UPK1B: variants seen among roughly 807,000 people sequenced by gnomAD.
UPK1B encodes uroplakin 1B, also known as uroplakin-1b.
A neutral mutation model predicts 34.2 loss-of-function variants in UPK1B; 28 were observed. The ratio of observed to expected loss-of-function variants is 0.82; its 90% CI spans 0.61 to 1.12. UPK1B has a LOEUF of 1.12. UPK1B is among the 50% of genes most tolerant of loss of function. The pLI is 0.00. For missense variants in UPK1B, 325 were observed against 320.9 expected (o/e 1.01, Z -0.10); for synonymous variants, 81 against 110.4 (o/e 0.73, Z 1.67).
At chr3:119,189,756 T>C (rs1420549122) in intron 3 of UPK1B, among the ~76,000 whole-genome samples, 1 of 152,256 alleles carries the variant, frequency 6.6e-6, no homozygotes, top group Non-Finnish European at 1.5e-5. Context: ...CATCTTTTTC[T>C]GAACTCCGTG....
At chr3:119,196,801 G>A (rs2078069831) in intron 6 of UPK1B, among the ~76,000 whole-genome samples, 1 of 151,754 alleles carries the variant, frequency 6.6e-6, no homozygotes, top group African/African-American at 2.4e-5. Flanking sequence ...GCCTCCCAAA[G>A]TGCTGGGATT....
Position 119,179,380 on chromosome 3 carries a change from T to G in UPK1B, c.-29+5742T>G, listed in dbSNP as rs1394344070. Among the ~76,000 whole-genome samples, 106 of 85,284 alleles carry G rather than the reference T, an allele frequency of 1.2e-3. 3 individuals carry two copies. The highest frequency in any genetic ancestry group is 8.6e-3 in the South Asian group (15 of 1,742). 55.9% of individuals were successfully genotyped at this position (85,284 alleles called of 152,430 possible). ...ATATATATATATATATATATATATA[T>G]ATATATATATATATATATTAATTCT... On this transcript the variant is annotated intron_variant, in intron 1 of 7. Coordinates refer to ENST00000264234, the MANE Select transcript of UPK1B (RefSeq NM_006952.4).
intron 7 of UPK1B, among the ~76,000 whole-genome samples, chr3:119,200,333 A>G (rs755505202): frequency 2.0e-5 from 3 of 152,220 alleles, no homozygotes; most frequent in Non-Finnish European, 2.9e-5. Flanking sequence ...GATTATGGCC[A>G]TGAGCACTGC....
intron 7 of UPK1B, among the ~76,000 whole-genome samples, chr3:119,201,908 G>T (rs572419582): frequency 6.6e-6 from 1 of 152,194 alleles, no homozygotes; most frequent in Non-Finnish European, 1.5e-5. Flanking sequence ...AAAGGTAACA[G>T]TGAAGTTTCT....
rs2078108482 is a variant in UPK1B at position 119,204,236 on chromosome 3, C to T, written c.*269C>T. The T allele has an allele frequency of 7.2e-6, 3 of 414,870 alleles. No homozygotes were observed. Among genetic ancestry groups the T allele is most frequent in the Admixed American group, 3.9e-5 (1 of 25,580 alleles). The allele number at this position is 414,870 out of a possible 1,614,324, so 25.7% of individuals were successfully genotyped here. A position where few individuals can be genotyped will look rare whatever the true frequency, so the allele number is the denominator to read the frequency against. ...TGCATAATAACTACTTCCATCCCTG[C>T]TTATTTTTAATTTGGGAAAATAAAT... On this transcript the variant is annotated 3_prime_UTR_variant, in exon 8 of 8. Coordinates refer to ENST00000264234, the MANE Select transcript of UPK1B (RefSeq NM_006952.4).
Position 119,194,099 on chromosome 3 carries a change from A to C in UPK1B, c.469-120A>C. ...TTCAGCTGTCATTTGGGGATTTCTT[A>C]GTAAATGTAAGATATGGTACACTTT... is the stretch of plus-strand genomic sequence containing the variant. On this transcript the variant is annotated intron_variant, in intron 5 of 7. Coordinates refer to ENST00000264234, the MANE Select transcript of UPK1B (RefSeq NM_006952.4). 3.1e-6 allele frequency: 3 copies of C among 958,598 alleles called. No individual in the cohort carries two copies. In the South Asian group the frequency reaches 5.9e-5, roughly 19 times the overall value. The allele number at this position is 958,598 out of a possible 1,614,324, so 59.4% of individuals were successfully genotyped here. A position where few individuals can be genotyped will look rare whatever the true frequency, so the allele number is the denominator to read the frequency against.
At chr3:119,199,239 A>T in intron 7 of UPK1B, 99 bp downstream of exon 7, 1 of 1,377,634 alleles carries the variant, frequency 7.3e-7, no homozygotes, top group Non-Finnish European at 1.0e-6. Context: ...AAAGTCTAGA[A>T]ACAAAACCTC....
At chr3:119,197,598 T>C (rs2078072455) in intron 6 of UPK1B, among the ~76,000 whole-genome samples, 1 of 152,244 alleles carries the variant, frequency 6.6e-6, no homozygotes, top group Non-Finnish European at 1.5e-5. Flanking sequence ...AATGTTCCAT[T>C]CATTCTGTAA....
At chr3:119,203,789 T>C (rs2078106051) in intron 7 of UPK1B, 128 bp from the exon 8 acceptor site, 1 of 976,568 alleles carries the variant, frequency 1.0e-6, no homozygotes, top group East Asian at 2.6e-5. Context: ...TTAGAAGAAA[T>C]AAAAACAAAC....
In UPK1B at chr3:119,204,056, C is replaced by A; in HGVS notation, c.*89C>A. 1.4e-6 allele frequency: 2 copies of A among 1,437,024 alleles called. No individual in the cohort carries two copies. Among genetic ancestry groups the A allele is most frequent in the Non-Finnish European group, 1.9e-6 (2 of 1,027,616 alleles). 89.0% of individuals were successfully genotyped at this position (1,437,024 alleles called of 1,614,324 possible). ...TCTCTCCTAATATTCCACGTTTGTG[C>A]CCCACACTAACGTGTGTGTCTTACA... is the stretch of plus-strand genomic sequence containing the variant. On this transcript the variant is annotated 3_prime_UTR_variant, in exon 8 of 8. Transcript: ENST00000264234.
chr3:119,183,802 C>T (rs2107428348), intron 1 of UPK1B, among the ~76,000 whole-genome samples: 1 of 152,286 alleles, frequency 6.6e-6, no homozygotes, highest in African/African-American at 2.4e-5. Context: ...TATCAAATGC[C>T]TAACATAGTG....
chr3:119,176,186 T>G (rs982121185), intron 1 of UPK1B: 4 of 152,264 alleles, frequency 2.6e-5, no homozygotes, highest in African/African-American at 9.6e-5. Flanking sequence ...TTTTCTCCTT[T>G]GTTAATTCAA....
chr3:119,203,161 T>G (rs898723934), intron 7 of UPK1B, among the ~76,000 whole-genome samples: 18 of 151,408 alleles, frequency 1.2e-4, no homozygotes, highest in Non-Finnish European at 2.1e-4. Context: ...GCTAACACGG[T>G]GAAACCCCGT....
intron 1 of UPK1B, among the ~76,000 whole-genome samples, chr3:119,184,374 C>A (rs2078005480): frequency 6.6e-6 from 1 of 152,090 alleles, no homozygotes; most frequent in Admixed American, 6.6e-5. Context: ...CCTCCTTGTC[C>A]CCTTGATGTG....
rs2078042152 is a variant in UPK1B, at chr3:119,191,104, G to A, written c.468G>A (p.Gln156=). ...AAACCTGGGACAGGCTCATGCTCCA[G>A]GTAAGACCTGTGGTCTTGGGGAGAT... is the stretch of plus-strand genomic sequence containing the variant. The part of the protein sequence containing the change: ...VTKTWDRLML[Q]DNCCGVNGPS... The change falls in exon 5 of 8, where the codon CAG becomes CAA. Residue 156 remains glutamine (Q), a splice_region_variant and synonymous_variant. Transcript: ENST00000264234. 1.2e-6 allele frequency: 2 copies of A among 1,613,774 alleles called. No homozygotes were observed. The highest frequency in any genetic ancestry group is 2.2e-5 in the East Asian group (1 of 44,884).
rs377328830 is a variant in UPK1B at position 119,194,366 on chromosome 3, A to C, written c.616A>C (p.Lys206Gln). The C allele has an allele frequency of 6.8e-6, 11 of 1,613,270 alleles. No individual in the cohort carries two copies. In the African/African-American group the frequency reaches 9.3e-5, roughly 14 times the overall value. Residue 206 changes from lysine (K) to glutamine (Q), a missense_variant, in exon 6 of 8, where the codon AAA becomes CAA. Lys to Gln is a moderately conservative substitution (Grantham distance 53, BLOSUM62 1). Coordinates refer to ENST00000264234, the MANE Select transcript of UPK1B (RefSeq NM_006952.4). ...AGAACCTCTCAACCTGGAGGCTTGTAAACTAGGCGTGCCTGGTTTTTATCA... is the reference window on the plus strand; with the variant it reads ...AGAACCTCTCAACCTGGAGGCTTGTCAACTAGGCGTGCCTGGTTTTTATCA... ...LKEPLNLEAC[K>Q]LGVPGFYHNQ... is the part of the protein sequence containing the mutation.
In UPK1B at chr3:119,190,280, A is replaced by C. The variant is rs1400180272; in HGVS notation, c.306A>C (p.Glu102Asp). 2.5e-6 allele frequency: 4 copies of C among 1,612,594 alleles called. No individual in the cohort carries two copies. The highest frequency in any genetic ancestry group is 3.4e-6 in the Non-Finnish European group (4 of 1,178,948). The change falls in exon 4 of 8, where the codon GAA becomes GAC. Residue 102 changes from glutamate to aspartate, a missense_variant. Coordinates refer to ENST00000264234, the MANE Select transcript of UPK1B (RefSeq NM_006952.4). ...FILMFIVYAF[E>D]VASCITAATQ... ...TGATGTTTATAGTATATGCCTTTGA[A>C]GTGGCATCTTGTATCACAGCAGCAA...
intron 6 of UPK1B, among the ~76,000 whole-genome samples, chr3:119,195,260 T>C (rs2078061514): frequency 6.6e-6 from 1 of 152,242 alleles, no homozygotes; most frequent in Admixed American, 6.5e-5. Flanking sequence ...CAGGTACTTG[T>C]AGTCAGCATC....
chr3:119,197,752 T>C (rs1245159824), intron 6 of UPK1B, among the ~76,000 whole-genome samples: 2 of 152,038 alleles, frequency 1.3e-5, no homozygotes, highest in Non-Finnish European at 2.9e-5. Context: ...AACAAATACA[T>C]GATAAAATTC....
Sources: gnomAD v4.1 joint callset for allele counts (sites outside exome capture counted in the v4.1 genomes callset) on GRCh38, gnomAD v4.1.1 for gene constraint, MANE v1.5 for transcripts, NCBI Gene and HGNC (gene_info 2026-07-23, HGNC 2026-07-21) for gene names.